ETV6: variants seen among roughly 807,000 people sequenced by gnomAD.
The protein encoded by ETV6 is ETS variant transcription factor 6.
ETV6 carries 16 observed loss-of-function variants against 51.1 expected under a neutral mutation model. That is an observed-to-expected ratio of 0.31 (90% confidence interval 0.21 to 0.48). The LOEUF is 0.48. Among genes scored for constraint, ETV6 ranks in the 20% least tolerant of loss-of-function variants. The pLI is 0.99. For missense variants in ETV6, 458 were observed against 594.8 expected, an observed-to-expected ratio of 0.77 and a Z score of 2.39; for synonymous variants, 240 against 224.1, an observed-to-expected ratio of 1.07 and a Z score of -0.64.
At chr12:11,842,763 G>T (rs11054470) in intron 3 of ETV6, among the ~76,000 whole-genome samples, 21,968 of 152,202 alleles carry the variant, frequency 0.14, 1,860 homozygotes, top group South Asian at 0.33. Flanking sequence ...CTTACTTAAA[G>T]CAGGAAAGCT....
chr12:11,819,267 A>T (rs55981107), intron 2 of ETV6, among the ~76,000 whole-genome samples: 8,830 of 152,178 alleles, frequency 0.058, 346 homozygotes, highest in Non-Finnish European at 0.085. Flanking sequence ...TGCCGAATCC[A>T]TCTGCCATCT....
chr12:11,839,639 G>A (rs950221817), intron 3 of ETV6, among the ~76,000 whole-genome samples: 1 of 152,196 alleles, frequency 6.6e-6, no homozygotes, highest in African/African-American at 2.4e-5. Flanking sequence ...CAGCACTTTG[G>A]GAGGCCAAGG....
At chr12:11,762,289 G>T (rs1385371740) in intron 2 of ETV6, among the ~76,000 whole-genome samples, 1 of 152,166 alleles carries the variant, frequency 6.6e-6, no homozygotes, top group Non-Finnish European at 1.5e-5. Flanking sequence ...TTGGCCCTTT[G>T]CCCCATGCAA....
chr12:11,834,921 T>C (rs1326331953), intron 2 of ETV6, among the ~76,000 whole-genome samples: 2 of 152,232 alleles, frequency 1.3e-5, no homozygotes, highest in South Asian at 2.1e-4. Context: ...CTGAGTGGCC[T>C]GCCCAGAATC....
rs1946923647 is a variant in ETV6, at chr12:11,874,046, C to G, written c.1009+4077C>G. ...TTCTATTTCAGGTAGAAATGTAAAT[C>G]TACAAGTTGAGATCTATTGAGGTCA... On this transcript the variant is annotated intron_variant, in intron 5 of 7. Transcript: ENST00000396373. Among the ~76,000 whole-genome samples the G allele has an allele frequency of 1.8e-5, 2 of 111,380 alleles. 1 individual carries two copies. Among genetic ancestry groups the G allele is most frequent in the Non-Finnish European group, 3.6e-5 (2 of 54,994 alleles). 73.1% of individuals were successfully genotyped at this position (111,380 alleles called of 152,430 possible).
chr12:11,728,375 T>A (rs1865529895), intron 1 of ETV6, among the ~76,000 whole-genome samples: 1 of 152,170 alleles, frequency 6.6e-6, no homozygotes, highest in African/African-American at 2.4e-5. Context: ...AGGAGGTGAG[T>A]GGCGGGCAAG....
chr12:11,805,487 T>C (rs543806845), intron 2 of ETV6, among the ~76,000 whole-genome samples: 1 of 151,794 alleles, frequency 6.6e-6, no homozygotes, highest in African/African-American at 2.4e-5. Flanking sequence ...AGCATTGATG[T>C]AGCAGTACAG....
At chr12:11,735,319 T>G (rs1243310435) in intron 1 of ETV6, among the ~76,000 whole-genome samples, 12 of 152,146 alleles carry the variant, frequency 7.9e-5, no homozygotes. Flanking sequence ...TCTTGATGTC[T>G]CTGCGAGTTA....
At chr12:11,656,934 C>CT (rs1485099323) in intron 1 of ETV6, among the ~76,000 whole-genome samples, 3 of 151,774 alleles carry the variant, frequency 2.0e-5, no homozygotes, top group Non-Finnish European at 4.4e-5. Context: ...TTCCAGGAAT[C>CT]TATTTCAGAT....
chr12:11,761,494 CAGTA>C (rs1477965437), intron 2 of ETV6, among the ~76,000 whole-genome samples: 1 of 152,172 alleles, frequency 6.6e-6, no homozygotes, highest in Non-Finnish European at 1.5e-5. Flanking sequence ...GGTTATTAAA[CAGTA>C]AGAAAGATGC....
At chr12:11,730,861 C>T (rs901298783) in intron 1 of ETV6, among the ~76,000 whole-genome samples, 3 of 152,154 alleles carry the variant, frequency 2.0e-5, no homozygotes, top group African/African-American at 7.2e-5. Flanking sequence ...ATTTATGCCT[C>T]CAGGAGACCA....
In ETV6 at chr12:11,853,450, CAGCATATTCTGA is replaced by C; in HGVS notation, c.357_368del (p.His119_Lys122del). 6.2e-7 allele frequency: 1 copy of C among 1,614,218 alleles called. No individual in the cohort carries two copies. The highest frequency in any genetic ancestry group is 8.5e-7 in the Non-Finnish European group (1 of 1,180,034). On this transcript the variant is annotated inframe_deletion, in exon 4 of 8. Coordinates refer to ENST00000396373, the MANE Select transcript of ETV6 (RefSeq NM_001987.5). Reference sequence around the variant, plus strand: ...AGGTGATGTGCTCTATGAACTCCTTCAGCATATTCTGAAGCAGAGGAAACCTCGGATTCTTTT... The same window carrying C: ...AGGTGATGTGCTCTATGAACTCCTTCAGCAGAGGAAACCTCGGATTCTTTT...
chr12:11,770,643 T>C (rs1945229749), intron 2 of ETV6, among the ~76,000 whole-genome samples: 1 of 152,220 alleles, frequency 6.6e-6, no homozygotes, highest in Admixed American at 6.5e-5. Context: ...GAAATTAAAA[T>C]AAACCTTCTT....
chr12:11,866,793 A>G (rs939321868), intron 4 of ETV6, among the ~76,000 whole-genome samples: 1 of 152,214 alleles, frequency 6.6e-6, no homozygotes, highest in Non-Finnish European at 1.5e-5. Context: ...CTGAACTCCA[A>G]AGGGTCTCCC....
chr12:11,766,588 G>A (rs1043539792), intron 2 of ETV6, among the ~76,000 whole-genome samples: 2 of 152,172 alleles, frequency 1.3e-5, no homozygotes, highest in Non-Finnish European at 2.9e-5. Flanking sequence ...GAGAGCAGCC[G>A]GCAGCCAGGC....
At chr12:11,676,564 A>G (rs1009885128) in intron 1 of ETV6, among the ~76,000 whole-genome samples, 22 of 151,844 alleles carry the variant, frequency 1.4e-4, no homozygotes, top group African/African-American at 5.1e-4. Flanking sequence ...CACTCCTTCT[A>G]TCTCTCTTAT....
intron 2 of ETV6, among the ~76,000 whole-genome samples, chr12:11,789,285 G>A (rs756609797): frequency 6.6e-6 from 1 of 152,150 alleles, no homozygotes; most frequent in Non-Finnish European, 1.5e-5. Flanking sequence ...GCCCGCCTCA[G>A]CCTCCCAAAG....
At chr12:11,849,910 C>A (rs566014882) in intron 3 of ETV6, among the ~76,000 whole-genome samples, 2 of 152,160 alleles carry the variant, frequency 1.3e-5, no homozygotes, top group Non-Finnish European at 2.9e-5. Flanking sequence ...AGCAAGTGGT[C>A]CCCGTCCGCA....
chr12:11,661,349 T>C lies in ETV6; in HGVS notation c.33+11189T>C, dbSNP rs1864097920. Among the ~76,000 whole-genome samples the C allele has an allele frequency of 4.6e-5, 7 of 152,196 alleles. No individual in the cohort carries two copies. The South Asian group carries it at 1.4e-3, about 32-fold the overall frequency. ...AGATTTTAAAGATCCGTGTCATGAG[T>C]TCACTTGACTGGTGCTTTGCACTTT... On this transcript the variant is annotated intron_variant, in intron 1 of 7. Coordinates refer to ENST00000396373, the MANE Select transcript of ETV6 (RefSeq NM_001987.5).
Sources: gnomAD v4.1 joint callset for allele counts (sites outside exome capture counted in the v4.1 genomes callset) on GRCh38, gnomAD v4.1.1 for gene constraint, MANE v1.5 for transcripts, NCBI Gene and HGNC (gene_info 2026-07-23, HGNC 2026-07-21) for gene names.